The following ATP2A3 variants were observed in gnomAD, a reference collection of about 807,000 sequenced individuals.
ATP2A3 encodes the protein sarcoplasmic/endoplasmic reticulum calcium ATPase 3.
In ATP2A3, 61 loss-of-function variants were observed where a neutral mutation model predicts 106.8. The ratio of observed to expected loss-of-function variants is 0.57; its 90% confidence interval spans 0.46 to 0.71. The LOEUF (loss-of-function observed/expected upper bound fraction) is 0.71, where lower values mean the gene tolerates loss of function less well. Ranked by LOEUF, ATP2A3 falls within the 30% of genes least tolerant of loss-of-function variation. The probability of loss-of-function intolerance (pLI) is 0.00; values close to 1 mark genes in which losing one functional copy is unlikely to be tolerated. For synonymous variants in ATP2A3, 611 were observed against 609.3 expected, an observed-to-expected ratio of 1.00 and a Z score of -0.04; for missense variants, 1,201 against 1,423.5, an observed-to-expected ratio of 0.84 and a Z score of 2.52.
intron 1 of ATP2A3, among the ~76,000 whole-genome samples, chr17:3,958,865 TATATACACAC>T (rs2054972154): frequency 8.7e-6 from 1 of 115,060 alleles, no homozygotes; most frequent in African/African-American, 4.3e-5. Flanking sequence ...TATATATATA[TATATACACAC>T]ACACACACAC....
At chr17:3,934,772 C>T (rs966512421) in intron 17 of ATP2A3, among the ~76,000 whole-genome samples, 4 of 151,778 alleles carry the variant, frequency 2.6e-5, no homozygotes, top group Non-Finnish European at 5.9e-5. Context: ...GTCCACCCAC[C>T]TCGGCCTCCC....
At chr17:3,935,606 C>T (rs561373472) in intron 16 of ATP2A3, among the ~76,000 whole-genome samples, 11 of 149,138 alleles carry the variant, frequency 7.4e-5, no homozygotes, top group Non-Finnish European at 1.3e-4. Context: ...GGTGCCATCT[C>T]GGCTCACAGC....
At chr17:3,959,238 C>G (rs2055001877) in intron 1 of ATP2A3, among the ~76,000 whole-genome samples, 1 of 152,110 alleles carries the variant, frequency 6.6e-6, no homozygotes. Context: ...TCCTTCTGTG[C>G]ACAGCAGCAT....
At position 3,929,132 on chromosome 17, in the gene ATP2A3, G is replaced by T. The variant is rs73328998; in HGVS notation, c.2862+196C>A. 0.06 allele frequency among the ~76,000 whole-genome samples: 9,105 copies of T among 152,194 alleles called. 877 individuals carry two copies. The highest frequency in any genetic ancestry group is 0.21 in the African/African-American group (8,590 of 41,482). On this transcript the variant is annotated intron_variant, in intron 19 of 20. Coordinates refer to ENST00000397041, the MANE Select transcript of ATP2A3 (RefSeq NM_005173.4). This position sits in a 1 kb window ranked among gnomAD's most constrained non-coding sequence, Gnocchi z 4.3. ...CTGGGCACAGTCCCCTCAGCAAGGGGTTTCCCCCTCTTCCGTCCCCCAGGT... is the reference window on the plus strand; with the variant it reads ...CTGGGCACAGTCCCCTCAGCAAGGGTTTTCCCCCTCTTCCGTCCCCCAGGT...
Position 3,947,696 on chromosome 17 carries a change from T to C in ATP2A3, c.790A>G (p.Ile264Val), listed in dbSNP as rs767897027. Residue 264 changes from isoleucine (I) to valine (V), a missense_variant, in exon 8 of 21, where the codon ATC becomes GTC. Coordinates refer to ENST00000397041, the MANE Select transcript of ATP2A3 (RefSeq NM_005173.4). This position sits in a 1 kb window ranked among gnomAD's most constrained non-coding sequence, Gnocchi z 7.7. ...CACACGGCCACGCAGATCACAGAGATGGCGTGGGACAGCTGCCGTCCAAAC... is the reference window on the plus strand; with the variant it reads ...CACACGGCCACGCAGATCACAGAGACGGCGTGGGACAGCTGCCGTCCAAAC... ...DEFGRQLSHA[I>V]SVICVAVWVI... 3.7e-6 allele frequency: 6 copies of C among 1,611,806 alleles called. No individual in the cohort carries two copies. Among genetic ancestry groups the C allele is most frequent in the Non-Finnish European group, 5.1e-6 (6 of 1,179,890 alleles).
At chr17:3,935,958 G>A (rs1372168052) in intron 16 of ATP2A3, among the ~76,000 whole-genome samples, 1 of 152,316 alleles carries the variant, frequency 6.6e-6, no homozygotes, top group East Asian at 1.9e-4. Context: ...TACCGGGAGA[G>A]CAGCATGATA....
intron 10 of ATP2A3, among the ~76,000 whole-genome samples, chr17:3,943,786 C>G (rs1027098942): frequency 3.3e-5 from 5 of 152,312 alleles, no homozygotes; most frequent in African/African-American, 1.2e-4. Context: ...CTGTCAGCCT[C>G]CTTCACCGGT....
intron 1 of ATP2A3, among the ~76,000 whole-genome samples, chr17:3,960,148 T>C (rs1279100090): frequency 6.6e-6 from 1 of 152,120 alleles, no homozygotes; most frequent in African/African-American, 2.4e-5. Context: ...GAGCAGCAGG[T>C]CCAGGGAGGG....
chr17:3,939,603 G>A (rs1374366933), intron 14 of ATP2A3, among the ~76,000 whole-genome samples: 1 of 151,400 alleles, frequency 6.6e-6, no homozygotes, highest in Non-Finnish European at 1.5e-5. Context: ...CCTGGCCAAT[G>A]TGGTGAAACC....
chr17:3,946,227 A>T (rs2054106497), intron 8 of ATP2A3, among the ~76,000 whole-genome samples: 1 of 141,156 alleles, frequency 7.1e-6, no homozygotes, highest in Non-Finnish European at 1.5e-5. Context: ...CTGGCAACAG[A>T]GTGAGACTCC....
chr17:3,949,042 C>G (rs912820163), intron 7 of ATP2A3, among the ~76,000 whole-genome samples: 9 of 148,716 alleles, frequency 6.1e-5, no homozygotes, highest in African/African-American at 2.2e-4. Context: ...GCAGGAGAAT[C>G]GCTTGAACTC....
Position 3,929,469 on chromosome 17 carries a change from C to A in ATP2A3, c.2745-24G>T, listed in dbSNP as rs2052920981. ...CGCTGCCAGGGCACAGGGTGCTCCCCTTAGGCCGGGGTGCAGGGAGGCCCT... is the reference window on the plus strand; with the variant it reads ...CGCTGCCAGGGCACAGGGTGCTCCCATTAGGCCGGGGTGCAGGGAGGCCCT... On this transcript the variant is annotated intron_variant, in intron 18 of 20. Transcript: ENST00000397041. This position sits in a 1 kb window ranked among gnomAD's most constrained non-coding sequence, Gnocchi z 4.3. 1.3e-6 allele frequency: 2 copies of A among 1,575,036 alleles called. No individual in the cohort carries two copies. The highest frequency in any genetic ancestry group is 2.3e-5 in the East Asian group (1 of 43,034).
At chr17:3,942,784 C>T in intron 11 of ATP2A3, 53 bp from the exon 12 acceptor site, 1 of 1,603,922 alleles carries the variant, frequency 6.2e-7, no homozygotes, top group Middle Eastern at 1.7e-4. Flanking sequence ...CAACTCTCGC[C>T]TGCCTTCCCA....
intron 14 of ATP2A3, among the ~76,000 whole-genome samples, chr17:3,939,265 G>C (rs1358060824): frequency 6.6e-6 from 1 of 152,184 alleles, no homozygotes; most frequent in African/African-American, 2.4e-5. Flanking sequence ...CCAGGCTGCA[G>C]TGATAGTCAA....
At chr17:3,943,653 G>A (rs1333549620) in intron 10 of ATP2A3, 131 bp from the exon 11 acceptor site, 5 of 1,457,958 alleles carry the variant, frequency 3.4e-6, no homozygotes, top group East Asian at 4.6e-5. Context: ...ACCGGCCCGT[G>A]AGCCCTTCCC....
intron 9 of ATP2A3, 89 bp from the exon 10 acceptor site, chr17:3,944,895 G>T (rs1221354418): frequency 8.5e-6 from 11 of 1,287,070 alleles, no homozygotes; most frequent in Non-Finnish European, 1.1e-5. Flanking sequence ...AGGGGGCTCC[G>T]CCTCTTGGCC....
intron 20 of ATP2A3, chr17:3,927,037 G>A (rs988536471): frequency 3.0e-6 from 3 of 985,330 alleles, no homozygotes; most frequent in South Asian, 9.4e-5. Flanking sequence ...TGCATGCTGA[G>A]TGTCAACATC....
rs2054583650 is a variant in ATP2A3 at position 3,953,638 on chromosome 17, A to G, written c.136+55T>C. The G allele has an allele frequency of 1.3e-6, 2 of 1,555,306 alleles. No homozygotes were observed. The highest frequency in any genetic ancestry group is 3.9e-5 in the Admixed American group (2 of 51,354). Reference sequence around the variant, plus strand: ...AGAAGGAAGTCATGACCAGACAGAGAACGACCCAGGGATGCTGCCCGCGGC... The same window carrying G: ...AGAAGGAAGTCATGACCAGACAGAGGACGACCCAGGGATGCTGCCCGCGGC... On this transcript the variant is annotated intron_variant, in intron 2 of 20. Coordinates refer to ENST00000397041, the MANE Select transcript of ATP2A3 (RefSeq NM_005173.4). The surrounding 1 kb of genome is among the most constrained non-coding windows in gnomAD (Gnocchi z 5.1).
Position 3,944,872 on chromosome 17 carries a change from CCCCGCCCCTAGGAGGGGGCTCCGCCTCT to C in ATP2A3, c.1185-94_1185-67del, listed in dbSNP as rs1212713353. The C allele has an allele frequency of 2.0e-3, 1,789 of 914,970 alleles. 26 individuals are homozygous for C. The East Asian group carries it at 0.03, about 15-fold the overall frequency. 56.7% of individuals were successfully genotyped at this position (914,970 alleles called of 1,614,324 possible). ...CCCCCGAGAGGGGTCCGCCTCTTGGCCCCGCCCCTAGGAGGGGGCTCCGCCTCTTGGCCCCGCCCCCAGAAGGGCTCCG... is the reference window on the plus strand; with the variant it reads ...CCCCCGAGAGGGGTCCGCCTCTTGGCTGGCCCCGCCCCCAGAAGGGCTCCG... On this transcript the variant is annotated intron_variant, in intron 9 of 20. Coordinates refer to ENST00000397041, the MANE Select transcript of ATP2A3 (RefSeq NM_005173.4).
Sources: gnomAD v4.1 joint callset for allele counts (sites outside exome capture counted in the v4.1 genomes callset) on GRCh38, gnomAD v4.1.1 for gene constraint, Gnocchi (gnomAD v3.1) non-coding constraint, MANE v1.5 for transcripts, NCBI Gene and HGNC (gene_info 2026-07-23, HGNC 2026-07-21) for gene names.